DNAH9: variants seen among roughly 807,000 people sequenced by gnomAD.
DNAH9 encodes the protein DNAH9 variant protein.
DNAH9 carries 345 observed loss-of-function variants against 471.6 expected under a neutral mutation model. The ratio of observed to expected loss-of-function variants is 0.73; its 90% confidence interval spans 0.67 to 0.80. The LOEUF is 0.80. DNAH9 is among the 30% of genes least tolerant of loss of function. DNAH9 has a pLI of 0.00. For missense variants in DNAH9, 5,407 were observed against 5,609.2 expected (o/e 0.96, Z 1.15); for synonymous variants, 2,093 against 2,123.6 (o/e 0.99, Z 0.40).
intron 48 of DNAH9, among the ~76,000 whole-genome samples, chr17:11,823,929 C>CA (rs369941815): frequency 8.5e-4 from 109 of 128,614 alleles, no homozygotes; most frequent in East Asian, 1.7e-3. Context: ...GACTCCATCT[C>CA]AAAAAAAAAA....
chr17:11,904,613 A>G (rs927027626), intron 60 of DNAH9, among the ~76,000 whole-genome samples: 3 of 141,170 alleles, frequency 2.1e-5, no homozygotes, highest in Non-Finnish European at 3.0e-5. Flanking sequence ...CCTGGGCGAC[A>G]GAGTGAGACT....
At chr17:11,837,189 T>C (rs1287086968) in intron 49 of DNAH9, among the ~76,000 whole-genome samples, 2 of 152,172 alleles carry the variant, frequency 1.3e-5, no homozygotes, top group African/African-American at 4.8e-5. Flanking sequence ...AATTGATAGA[T>C]TGAAATAAAT....
rs765771160 is a variant in DNAH9 at position 11,869,261 on chromosome 17, T to C, written c.10053+8T>C. 1.4e-5 allele frequency: 22 copies of C among 1,612,698 alleles called. No homozygotes were observed. The highest frequency in any genetic ancestry group is 3.3e-5 in the Admixed American group (2 of 59,902). ...TCCCTTGCCAACCGCCTGGTGAGTGTAAGCCACAGCAGCCCGAGCTGTAAT... is the reference window on the plus strand; with the variant it reads ...TCCCTTGCCAACCGCCTGGTGAGTGCAAGCCACAGCAGCCCGAGCTGTAAT... On this transcript the variant is annotated splice_region_variant and intron_variant, in intron 51 of 68. Transcript: ENST00000262442.
chr17:11,645,669 G>A (rs1302936979), intron 11 of DNAH9, among the ~76,000 whole-genome samples: 3 of 151,966 alleles, frequency 2.0e-5, no homozygotes, highest in Non-Finnish European at 4.4e-5. Flanking sequence ...ACAGTTTCAA[G>A]CATGCTGTTT....
At chr17:11,790,801 T>C (rs940150078) in intron 41 of DNAH9, among the ~76,000 whole-genome samples, 1 of 152,154 alleles carries the variant, frequency 6.6e-6, no homozygotes, top group South Asian at 2.1e-4. Flanking sequence ...TCTTTTAGCA[T>C]AGTATACATC....
rs768784492 is a variant in DNAH9, at chr17:11,652,872, T to C, written c.2465T>C (p.Val822Ala). 1.2e-6 allele frequency: 2 copies of C among 1,614,042 alleles called. No individual in the cohort carries two copies. The highest frequency in any genetic ancestry group is 1.1e-5 in the South Asian group (1 of 91,064). ...ATCCAAAACATCATGAAAACATGGGTGACTCCAATATTTAAGACAAAAGAT... is the reference window on the plus strand; with the variant it reads ...ATCCAAAACATCATGAAAACATGGGCGACTCCAATATTTAAGACAAAAGAT... ...EEIQNIMKTW[V>A]TPIFKTKDGK... The change falls in exon 14 of 69, where the codon GTG becomes GCG. Residue 822 changes from valine to alanine, a missense_variant. By Grantham distance (64) the Val-to-Ala change is moderately conservative. This residue lies in a region of DNAH9 where 4,636 missense variants were observed against 4,900.3 expected (regional missense o/e 0.95). Transcript: ENST00000262442.
chr17:11,629,684 C>T, intron 7 of DNAH9, 100 bp downstream of exon 7: 11 of 1,115,626 alleles, frequency 9.9e-6, no homozygotes, highest in African/African-American at 1.6e-5. Flanking sequence ...TGTGTATTTC[C>T]TTTGGCTCTG....
At chr17:11,712,667 T>C (rs2074893208) in intron 26 of DNAH9, among the ~76,000 whole-genome samples, 1 of 152,158 alleles carries the variant, frequency 6.6e-6, no homozygotes, top group Admixed American at 6.6e-5. Context: ...ATTTTTCTAA[T>C]GATTAATGAT....
At chr17:11,901,441 A>G (rs1340864934) in intron 59 of DNAH9, among the ~76,000 whole-genome samples, 1 of 152,202 alleles carries the variant, frequency 6.6e-6, no homozygotes, top group Non-Finnish European at 1.5e-5. Context: ...CACACCCGTA[A>G]TCCCAACTCT....
chr17:11,670,706 A>ATTTTT (rs11320846), intron 17 of DNAH9, among the ~76,000 whole-genome samples: 2,868 of 145,836 alleles, frequency 0.02, 99 homozygotes, highest in African/African-American at 0.068. Context: ...CTTTGTGGGG[A>ATTTTT]TTTTTTTTTT....
chr17:11,606,253 G>A (rs111485722), intron 1 of DNAH9, among the ~76,000 whole-genome samples: 22 of 151,992 alleles, frequency 1.4e-4, no homozygotes, highest in African/African-American at 5.3e-4. Flanking sequence ...GGCCACTGGG[G>A]CTTATTGATC....
intron 1 of DNAH9, among the ~76,000 whole-genome samples, chr17:11,601,772 C>T (rs928039901): frequency 6.6e-6 from 1 of 152,048 alleles, no homozygotes; most frequent in African/African-American, 2.4e-5. Context: ...GCTTAATAGT[C>T]TCTGATTACC....
rs1004249345 is a variant in DNAH9 at position 11,824,115 on chromosome 17, T to C, written c.9246+1081T>C. On this transcript the variant is annotated intron_variant, in intron 48 of 68. Transcript: ENST00000262442. Reference sequence around the variant, plus strand: ...CTGCTCACGCCCATCAAATACTGCCTCTTTGATGACCCCTTTCTATTTTCT... The same window carrying C: ...CTGCTCACGCCCATCAAATACTGCCCCTTTGATGACCCCTTTCTATTTTCT... Among the ~76,000 whole-genome samples the C allele has an allele frequency of 5.3e-5, 8 of 152,236 alleles. No homozygotes were observed. In the South Asian group the frequency reaches 8.3e-4, roughly 16 times the overall value.
intron 4 of DNAH9, among the ~76,000 whole-genome samples, chr17:11,615,999 A>G (rs1344290277): frequency 1.3e-5 from 2 of 152,192 alleles, no homozygotes; most frequent in East Asian, 1.9e-4. Context: ...TTCGATTCAC[A>G]TACTGCTTTC....
intron 8 of DNAH9, among the ~76,000 whole-genome samples, chr17:11,634,165 T>C (rs2073118071): frequency 6.6e-6 from 1 of 152,144 alleles, no homozygotes; most frequent in Non-Finnish European, 1.5e-5. Context: ...TGACTCTTCT[T>C]CTCAGCTGAG....
chr17:11,801,722 A>C (rs2150918434), intron 43 of DNAH9, among the ~76,000 whole-genome samples: 1 of 152,270 alleles, frequency 6.6e-6, no homozygotes, highest in Non-Finnish European at 1.5e-5. Context: ...AACCTTATGA[A>C]GCTCCAGTGA....
chr17:11,739,434 AAG>A (rs2075399947), intron 29 of DNAH9, among the ~76,000 whole-genome samples: 1 of 152,352 alleles, frequency 6.6e-6, no homozygotes, highest in African/African-American at 2.4e-5. Context: ...GTTAAATATT[AAG>A]ACTTTCTAAC....
In DNAH9 at chr17:11,719,017, G is replaced by T. The variant is rs1344920915; in HGVS notation, c.5553-317G>T. ...CTCAGTCCTAGTGTGTCTGGCAGAT[G>T]AACGGAGCTCTATATGGCTGGACTG... On this transcript the variant is annotated intron_variant, in intron 26 of 68. Transcript: ENST00000262442. Among the ~76,000 whole-genome samples the T allele has an allele frequency of 2.0e-5, 3 of 152,140 alleles. No homozygotes were observed. In the East Asian group the frequency reaches 5.8e-4, roughly 29 times the overall value.
chr17:11,640,567 T>G (rs1331888412), intron 10 of DNAH9, among the ~76,000 whole-genome samples, 183 bp downstream of exon 10: 1 of 152,238 alleles, frequency 6.6e-6, no homozygotes, highest in Non-Finnish European at 1.5e-5. Context: ...GCATTTGGAC[T>G]GAAGGGCAGG....
Sources: gnomAD v4.1 joint callset for allele counts (sites outside exome capture counted in the v4.1 genomes callset) on GRCh38, gnomAD v4.1.1 for gene constraint, gnomAD v4.1.1 regional missense constraint, MANE v1.5 for transcripts, NCBI Gene and HGNC (gene_info 2026-07-23, HGNC 2026-07-21) for gene names.